RAPGEF4: variants seen among roughly 807,000 people sequenced by gnomAD.
RAPGEF4 encodes the protein Rap guanine nucleotide exchange factor 4.
RAPGEF4 carries 66 observed loss-of-function variants against 147.9 expected under a neutral mutation model. That is an observed-to-expected ratio of 0.45 (90% CI 0.37 to 0.55). The LOEUF is 0.55. Among genes scored for constraint, RAPGEF4 ranks in the 20% least tolerant of loss-of-function variants. The pLI, the probability that RAPGEF4 is intolerant of heterozygous loss-of-function variation, is 0.00. For missense variants in RAPGEF4, 1,071 were observed against 1,257.3 expected (o/e 0.85, Z 2.24); for synonymous variants, 419 against 442.7 (o/e 0.95, Z 0.67).
chr2:172,958,182 A>G (rs1258653451), intron 6 of RAPGEF4, among the ~76,000 whole-genome samples: 1 of 152,212 alleles, frequency 6.6e-6, no homozygotes, highest in Non-Finnish European at 1.5e-5. Flanking sequence ...GCTCAGAAAC[A>G]AATCCCATAC....
At chr2:172,922,252 CCT>C (rs1226924151) in intron 5 of RAPGEF4, 27 bp from the exon 6 acceptor site, 1 of 1,602,238 alleles carries the variant, frequency 6.2e-7, no homozygotes, top group Non-Finnish European at 8.6e-7. Flanking sequence ...CAATTCATGG[CCT>C]CTCTCTGTCT....
chr2:172,971,775 A>G (rs1690516499), intron 10 of RAPGEF4, among the ~76,000 whole-genome samples: 1 of 152,078 alleles, frequency 6.6e-6, no homozygotes, highest in Non-Finnish European at 1.5e-5. Context: ...TGATCTGCTA[A>G]TAATCTTTGG....
At chr2:172,792,052 C>T (rs983281575) in intron 1 of RAPGEF4, among the ~76,000 whole-genome samples, 1 of 152,180 alleles carries the variant, frequency 6.6e-6, no homozygotes, top group African/African-American at 2.4e-5. Flanking sequence ...TGATTCCTCC[C>T]ACGGTCACTT....
At chr2:172,805,626 A>T (rs1279286475) in intron 3 of RAPGEF4, among the ~76,000 whole-genome samples, 1 of 152,144 alleles carries the variant, frequency 6.6e-6, no homozygotes, top group East Asian at 1.9e-4. Flanking sequence ...CCTGGCTGAC[A>T]TGTTCACGTA....
chr2:172,927,596 C>T (rs1685500474), intron 6 of RAPGEF4, among the ~76,000 whole-genome samples: 1 of 151,906 alleles, frequency 6.6e-6, no homozygotes. Flanking sequence ...GATCGTACCA[C>T]TGCACTCCAG....
rs1692766238 is a variant in RAPGEF4 at position 172,990,891 on chromosome 2, G to C, written c.1456G>C (p.Ala486Pro). 1 of 1,613,854 alleles carries C rather than the reference G, an allele frequency of 6.2e-7. No individual in the cohort carries two copies. The highest frequency in any genetic ancestry group is 1.1e-5 in the South Asian group (1 of 91,030). ...GGAGAAGGTCCCAGCAGGGAACAGA[G>C]CTTCTAATCAAGGAAACTCACAGCC... ...VLEKVPAGNRASNQGNSQPQQ... is the reference protein window; with the variant it reads ...VLEKVPAGNRPSNQGNSQPQQ... Residue 486 changes from alanine to proline, a missense_variant, in exon 15 of 31, where the codon GCT becomes CCT. Ala to Pro is a conservative substitution (Grantham distance 27). Coordinates refer to ENST00000397081, the MANE Select transcript of RAPGEF4 (RefSeq NM_007023.4).
chr2:172,738,121 G>A (rs928795196), intron 1 of RAPGEF4, among the ~76,000 whole-genome samples: 1 of 152,172 alleles, frequency 6.6e-6, no homozygotes, highest in Non-Finnish European at 1.5e-5. Flanking sequence ...TTTAGGAAAG[G>A]AGAAAGGTTG....
At chr2:172,964,021 C>G (rs1689573578) in intron 8 of RAPGEF4, among the ~76,000 whole-genome samples, 1 of 152,156 alleles carries the variant, frequency 6.6e-6, no homozygotes, top group Non-Finnish European at 1.5e-5. Flanking sequence ...CATCTCGAGT[C>G]TGTGTACTCT....
chr2:172,947,033 G>C (rs1225655890), intron 6 of RAPGEF4, among the ~76,000 whole-genome samples: 1 of 152,190 alleles, frequency 6.6e-6, no homozygotes, highest in Admixed American at 6.5e-5. Context: ...AAACGTATTT[G>C]TGAAAATTTC....
rs538089696 is a variant in RAPGEF4 at position 172,797,510 on chromosome 2, A to AT, written c.209-6dup. On this transcript the variant is annotated splice_polypyrimidine_tract_variant and intron_variant, in intron 2 of 30. Coordinates refer to ENST00000397081, the MANE Select transcript of RAPGEF4 (RefSeq NM_007023.4). The stretch of plus-strand genomic sequence containing the variant: ...TTGTATCTGTTATATTTATATCACA[A>AT]TTTTTTTTTCCCAGTATTTCGCCAG... The AT allele has an allele frequency of 1.6e-4, 257 of 1,582,070 alleles. No individual in the cohort carries two copies. The highest frequency in any genetic ancestry group is 2.4e-4 in the South Asian group (21 of 88,630).
chr2:172,754,803 G>A (rs909176294), intron 1 of RAPGEF4, among the ~76,000 whole-genome samples: 6 of 152,210 alleles, frequency 3.9e-5, no homozygotes, highest in Non-Finnish European at 8.8e-5. Flanking sequence ...AGCACTTTGG[G>A]AGGCCGAGGC....
At chr2:172,863,706 C>A (rs1694281456) in intron 4 of RAPGEF4, among the ~76,000 whole-genome samples, 1 of 152,142 alleles carries the variant, frequency 6.6e-6, no homozygotes, top group African/African-American at 2.4e-5. Context: ...AAGCAAGAAT[C>A]AAAATTATAC....
intron 1 of RAPGEF4, among the ~76,000 whole-genome samples, chr2:172,785,429 G>C (rs1381110753): frequency 6.6e-6 from 1 of 152,126 alleles, no homozygotes; most frequent in African/African-American, 2.4e-5. Flanking sequence ...GGTGGTACTA[G>C]AAATACCTTC....
intron 4 of RAPGEF4, among the ~76,000 whole-genome samples, chr2:172,903,517 G>A (rs1250533624): frequency 1.3e-5 from 2 of 150,292 alleles, no homozygotes; most frequent in Non-Finnish European, 3.0e-5. Context: ...CAGCCTGGGC[G>A]ACAAGAGTGA....
intron 4 of RAPGEF4, among the ~76,000 whole-genome samples, chr2:172,861,556 T>G (rs1487463196): frequency 6.6e-6 from 1 of 152,166 alleles, no homozygotes; most frequent in Non-Finnish European, 1.5e-5. Flanking sequence ...ACTGATGAAA[T>G]GTAGTATGGC....
intron 1 of RAPGEF4, among the ~76,000 whole-genome samples, chr2:172,783,859 A>G (rs1455205945): frequency 6.6e-6 from 1 of 151,900 alleles, no homozygotes; most frequent in African/African-American, 2.4e-5. Context: ...ATCTCTAGGG[A>G]GAGGGGCCAC....
intron 10 of RAPGEF4, among the ~76,000 whole-genome samples, chr2:172,980,634 A>T (rs1435548259): frequency 1.3e-5 from 2 of 152,034 alleles, no homozygotes; most frequent in Non-Finnish European, 2.9e-5. Context: ...TGCCATCTTT[A>T]CCTCTCTTCT....
At chr2:172,785,776 G>A (rs2149521653) in intron 1 of RAPGEF4, among the ~76,000 whole-genome samples, 1 of 152,062 alleles carries the variant, frequency 6.6e-6, no homozygotes, top group African/African-American at 2.4e-5. Context: ...GAAGGCACTG[G>A]GCAGAGAGCA....
chr2:172,881,736 TG>T (rs1273232018), intron 4 of RAPGEF4, among the ~76,000 whole-genome samples: 22 of 152,262 alleles, frequency 1.4e-4, no homozygotes, highest in African/African-American at 5.3e-4. Flanking sequence ...TTGTTAGAAA[TG>T]GTATTACTCC....
Sources: gnomAD v4.1 joint callset for allele counts (sites outside exome capture counted in the v4.1 genomes callset) on GRCh38, gnomAD v4.1.1 for gene constraint, MANE v1.5 for transcripts, NCBI Gene and HGNC (gene_info 2026-07-23, HGNC 2026-07-21) for gene names.